DNAH8: variants seen among roughly 807,000 people sequenced by gnomAD.
DNAH8 encodes dynein axonemal heavy chain 8, also known as axonemal beta dynein heavy chain 8.
DNAH8 carries 382 observed loss-of-function variants against 562.1 expected under a neutral mutation model. The observed-to-expected ratio is 0.68, with a 90% CI of 0.63 to 0.74. DNAH8 has a LOEUF of 0.74. Ranked by LOEUF, DNAH8 falls within the 30% of genes least tolerant of loss-of-function variation. The probability of loss-of-function intolerance (pLI) is 0.00; values close to 1 mark genes in which losing one functional copy is unlikely to be tolerated. For synonymous variants in DNAH8, 1,881 were observed against 1,919.4 expected (o/e 0.98, Z 0.52); for missense variants, 5,203 against 5,620.4 (o/e 0.93, Z 2.37).
chr6:38,854,867 ATACTT>A (rs1776058189), intron 41 of DNAH8, among the ~76,000 whole-genome samples: 2 of 149,838 alleles, frequency 1.3e-5, no homozygotes, highest in Admixed American at 6.7e-5. Flanking sequence ...TATGTATAAA[ATACTT>A]TGTATTTAAT....
At chr6:38,784,750 A>G (rs574953454) in intron 17 of DNAH8, among the ~76,000 whole-genome samples, 2 of 152,342 alleles carry the variant, frequency 1.3e-5, no homozygotes, top group South Asian at 2.1e-4. Flanking sequence ...TGTTTTACAG[A>G]TGAGAAAACT....
chr6:38,938,445 A>T (rs544451412), intron 78 of DNAH8, among the ~76,000 whole-genome samples: 48 of 152,324 alleles, frequency 3.2e-4, no homozygotes, highest in African/African-American at 9.1e-4. Flanking sequence ...TTGCAGAAAC[A>T]TGGATGAAGC....
chr6:39,011,897 C>T (rs1766235556), intron 89 of DNAH8, among the ~76,000 whole-genome samples: 1 of 152,180 alleles, frequency 6.6e-6, no homozygotes, highest in Non-Finnish European at 1.5e-5. Flanking sequence ...AAAAGAATAT[C>T]TAACTGACAC....
Position 38,882,979 on chromosome 6 carries a change from C to A in DNAH8, c.7928C>A (p.Ser2643Ter), listed in dbSNP as rs138415443. The A allele has an allele frequency of 3.7e-6, 6 of 1,604,906 alleles. No individual in the cohort carries two copies. The highest frequency in any genetic ancestry group is 3.4e-6 in the Non-Finnish European group (4 of 1,176,528). Residue 2643 changes from serine (S) to a stop codon, truncating the protein, a stop_gained, in exon 54 of 93, where the codon TCA (serine) becomes TAA (stop). Transcript: ENST00000327475. LOFTEE classifies it high-confidence loss of function. The part of the protein sequence containing the change: ...YYPTDSIPEY[S>*]SILVPNVDNI... The stretch of plus-strand genomic sequence containing the variant: ...CCAACTGACAGTATTCCGGAATATT[C>A]ATCAATTTTGGTTCCAAATGTTGAC...
intron 41 of DNAH8, among the ~76,000 whole-genome samples, chr6:38,855,410 A>T (rs1776119894): frequency 6.6e-6 from 1 of 152,238 alleles, no homozygotes; most frequent in Non-Finnish European, 1.5e-5. Context: ...AGAATTTCCC[A>T]TATTTCTACC....
At chr6:38,740,611 T>G (rs574684625) in intron 7 of DNAH8, among the ~76,000 whole-genome samples, 6 of 151,108 alleles carry the variant, frequency 4.0e-5, no homozygotes, top group African/African-American at 7.3e-5. Context: ...AGTCTTTTTG[T>G]TTTTTTTTCT....
chr6:38,895,599 A>T (rs1779623525), intron 59 of DNAH8, among the ~76,000 whole-genome samples: 1 of 152,184 alleles, frequency 6.6e-6, no homozygotes, highest in Non-Finnish European at 1.5e-5. Flanking sequence ...ATAGATGATA[A>T]TGCCAGTTTC....
rs68060910 is a variant in DNAH8 at position 38,867,752 on chromosome 6, C to CAA, written c.6694-291_6694-290dup. Among the ~76,000 whole-genome samples the CAA allele has an allele frequency of 4.3e-3, 377 of 88,674 alleles. 3 individuals are homozygous for CAA. The highest frequency in any genetic ancestry group is 0.016 in the African/African-American group (355 of 22,690). 58.2% of individuals were successfully genotyped at this position (88,674 alleles called of 152,430 possible). On this transcript the variant is annotated intron_variant, in intron 47 of 92. Coordinates refer to ENST00000327475, the MANE Select transcript of DNAH8 (RefSeq NM_001206927.2). ...TGGATGACAGAGTGAGACTCCATCT[C>CAA]AAAAAAAAAAAAAAAAAAAACAAAA...
Position 38,778,452 on chromosome 6 carries a change from A to G in DNAH8, c.2027A>G (p.Gln676Arg). ...GKILSSQQAL[Q>R]LLQRFQKLNI... Reference sequence around the variant, plus strand: ...ATCTTATCTTCTCAGCAGGCTCTTCAGCTACTTCAAAGGTATTCATAACAC... The same window carrying G: ...ATCTTATCTTCTCAGCAGGCTCTTCGGCTACTTCAAAGGTATTCATAACAC... The change falls in exon 14 of 93, where the codon CAG becomes CGG. Residue 676 changes from glutamine (Q) to arginine (R), a missense_variant. Transcript: ENST00000327475. 6.3e-7 allele frequency: 1 copy of G among 1,591,314 alleles called. No homozygotes were observed. The highest frequency in any genetic ancestry group is 1.3e-5 in the African/African-American group (1 of 74,564).
At chr6:38,920,418 G>A (rs1781611527) in intron 70 of DNAH8, among the ~76,000 whole-genome samples, 1 of 152,140 alleles carries the variant, frequency 6.6e-6, no homozygotes. Flanking sequence ...ACCCCAGAAG[G>A]CTTTGGGCCT....
chr6:39,015,510 C>G (rs1766508210), intron 91 of DNAH8, among the ~76,000 whole-genome samples: 1 of 152,152 alleles, frequency 6.6e-6, no homozygotes, highest in South Asian at 2.1e-4. Flanking sequence ...CTCACGAGAT[C>G]TGATGGTTTA....
At chr6:38,924,508 C>T (rs57754616) in intron 73 of DNAH8, among the ~76,000 whole-genome samples, 8 of 149,898 alleles carry the variant, frequency 5.3e-5, no homozygotes, top group South Asian at 2.1e-4. Flanking sequence ...CCATCCCCCC[C>T]CCAAAAAAAA....
intron 62 of DNAH8, among the ~76,000 whole-genome samples, chr6:38,905,998 C>A (rs1412948735): frequency 1.3e-5 from 2 of 151,812 alleles, no homozygotes; most frequent in Non-Finnish European, 2.9e-5. Context: ...CTCTGCCTCC[C>A]GGGTTCAAGC....
At chr6:39,004,082 T>A (rs1056130215) in intron 88 of DNAH8, among the ~76,000 whole-genome samples, 4 of 152,146 alleles carry the variant, frequency 2.6e-5, no homozygotes, top group Non-Finnish European at 4.4e-5. Flanking sequence ...TGGTCTAAAA[T>A]TAATATATTT....
At chr6:38,883,289 A>G (rs374804457) in intron 54 of DNAH8, 33 bp from the exon 55 acceptor site, 60 of 1,568,410 alleles carry the variant, frequency 3.8e-5, no homozygotes, top group Non-Finnish European at 4.9e-5. Flanking sequence ...ATAAGTTGTA[A>G]CACATTTCAA....
intron 49 of DNAH8, 104 bp downstream of exon 49, chr6:38,870,666 A>G: frequency 8.8e-7 from 1 of 1,136,922 alleles, no homozygotes; most frequent in Non-Finnish European, 1.3e-6. Flanking sequence ...GTAAATGTTA[A>G]ATGAAAACAT....
chr6:38,937,946 A>T, intron 77 of DNAH8, 28 bp from the exon 78 acceptor site: 2 of 1,609,544 alleles, frequency 1.2e-6, no homozygotes, highest in African/African-American at 2.7e-5. Context: ...CGTCTTGTGT[A>T]CTACGGTTTT....
At chr6:38,818,252 T>C (rs1772466909) in intron 26 of DNAH8, among the ~76,000 whole-genome samples, 1 of 152,064 alleles carries the variant, frequency 6.6e-6, no homozygotes, top group Admixed American at 6.6e-5. Flanking sequence ...TTTAGTCCAA[T>C]GTTTGCCATT....
chr6:38,826,565 AACAGTATACAAAAG>A (rs1041740648), intron 29 of DNAH8, among the ~76,000 whole-genome samples, 174 bp downstream of exon 29: 4 of 152,234 alleles, frequency 2.6e-5, no homozygotes, highest in Admixed American at 1.3e-4. Context: ...ATCAACAGTG[AACAGTATACAAAAG>A]ACACTGTTGT....
Sources: gnomAD v4.1 joint callset for allele counts (sites outside exome capture counted in the v4.1 genomes callset) on GRCh38, gnomAD v4.1.1 for gene constraint, MANE v1.5 for transcripts, NCBI Gene and HGNC (gene_info 2026-07-23, HGNC 2026-07-21) for gene names.